Variants in ROBO1 observed in about 807,000 individuals in gnomAD.
ROBO1 encodes roundabout guidance receptor 1.
ROBO1 carries 149 observed loss-of-function variants against 195.9 expected under a neutral mutation model. The observed-to-expected ratio is 0.76, with a 90% CI of 0.67 to 0.87. ROBO1 has a LOEUF of 0.87. Ranked by LOEUF, ROBO1 falls within the 40% of genes least tolerant of loss-of-function variation. ROBO1 has a pLI of 0.00. For missense variants in ROBO1, 1,933 were observed against 2,068.3 expected (o/e 0.93, Z 1.27); for synonymous variants, 816 against 733.2 (o/e 1.11, Z -1.82).
At chr3:78,805,979 G>A (rs2084526575) in intron 4 of ROBO1, among the ~76,000 whole-genome samples, 1 of 151,576 alleles carries the variant, frequency 6.6e-6, no homozygotes, top group Non-Finnish European at 1.5e-5. Flanking sequence ...TTTTTTTTGA[G>A]ACAGAGTCTT....
rs570086028 is a variant in ROBO1 at position 79,482,608 on chromosome 3, T to C, written c.88+107216A>G. On this transcript the variant is annotated intron_variant, in intron 2 of 30. Transcript: ENST00000464233. ...TTACCCAGTCTCTGGTATGTCTTTG[T>C]TAGCAGCATAAAAACAACTAATACA... 2.9e-4 allele frequency among the ~76,000 whole-genome samples: 44 copies of C among 152,272 alleles called. 1 individual carries two copies. The highest frequency in any genetic ancestry group is 1.1e-3 in the African/African-American group (44 of 41,538).
chr3:78,772,895 C>T (rs1464357024), intron 4 of ROBO1, among the ~76,000 whole-genome samples: 1 of 151,958 alleles, frequency 6.6e-6, no homozygotes, highest in Admixed American at 6.6e-5. Flanking sequence ...ACCAGGATTC[C>T]ATCCTAGGTT....
chr3:79,448,248 T>C (rs375218547), intron 2 of ROBO1, among the ~76,000 whole-genome samples: 2 of 152,302 alleles, frequency 1.3e-5, no homozygotes, highest in East Asian at 1.9e-4. Context: ...TATCATGGTA[T>C]GCTCTAGTCA....
intron 3 of ROBO1, among the ~76,000 whole-genome samples, chr3:79,105,091 A>G (rs1040484808): frequency 1.3e-5 from 2 of 151,832 alleles, no homozygotes; most frequent in Non-Finnish European, 2.9e-5. Context: ...CTAGGAGACC[A>G]TCTTTGTGAG....
chr3:79,166,565 T>C (rs1576761377), intron 2 of ROBO1, among the ~76,000 whole-genome samples: 1 of 149,272 alleles, frequency 6.7e-6, no homozygotes, highest in Non-Finnish European at 1.5e-5. Context: ...TTTTTCTTTT[T>C]TTTTTTTTTT....
chr3:79,197,059 G>C (rs116647526), intron 2 of ROBO1, among the ~76,000 whole-genome samples: 1 of 150,964 alleles, frequency 6.6e-6, no homozygotes, highest in East Asian at 2.0e-4. Context: ...CTTGTTTTTC[G>C]TATTATTATA....
chr3:78,634,999 C>G (rs763976401), intron 23 of ROBO1, among the ~76,000 whole-genome samples: 96 of 152,022 alleles, frequency 6.3e-4, no homozygotes, highest in Non-Finnish European at 1.0e-3. Flanking sequence ...GATGCATTGC[C>G]CCCATCTATT....
intron 3 of ROBO1, among the ~76,000 whole-genome samples, chr3:78,946,882 G>C (rs1336525667): frequency 1.3e-5 from 2 of 152,116 alleles, no homozygotes; most frequent in Admixed American, 6.5e-5. Context: ...CCTAGTCTCT[G>C]ATAAAACAGA....
At chr3:78,958,901 T>C (rs1397399761) in intron 3 of ROBO1, among the ~76,000 whole-genome samples, 1 of 151,128 alleles carries the variant, frequency 6.6e-6, no homozygotes, top group African/African-American at 2.4e-5. Context: ...CTTGGCTCTC[T>C]GCAGCCTCAA....
intron 2 of ROBO1, among the ~76,000 whole-genome samples, chr3:79,412,319 T>C (rs1428249828): frequency 6.6e-6 from 1 of 152,138 alleles, no homozygotes; most frequent in East Asian, 1.9e-4. Context: ...CAGCTACTAG[T>C]TCCTAACCTG....
Position 78,723,110 on chromosome 3 carries a change from G to A in ROBO1, c.658-5227C>T, listed in dbSNP as rs149653076. On this transcript the variant is annotated intron_variant, in intron 5 of 30. Transcript: ENST00000464233. Reference sequence around the variant, plus strand: ...AAGGATGAACCTCATATATGATGACGATCCCATAAGATGATAATGGAGCTG... The same window carrying A: ...AAGGATGAACCTCATATATGATGACAATCCCATAAGATGATAATGGAGCTG... Among the ~76,000 whole-genome samples, 346 of 152,204 alleles carry A rather than the reference G, an allele frequency of 2.3e-3. 1 individual carries two copies. The highest frequency in any genetic ancestry group is 7.5e-3 in the African/African-American group (311 of 41,538).
chr3:79,101,073 A>T (rs2079666904), intron 3 of ROBO1, among the ~76,000 whole-genome samples: 1 of 151,802 alleles, frequency 6.6e-6, no homozygotes, highest in Non-Finnish European at 1.5e-5. Flanking sequence ...TATTATGCAG[A>T]TAGAGTAGCT....
chr3:78,858,128 G>A (rs2034565484), intron 4 of ROBO1, among the ~76,000 whole-genome samples: 1 of 152,082 alleles, frequency 6.6e-6, no homozygotes, highest in African/African-American at 2.4e-5. Flanking sequence ...GCGAGGAGTA[G>A]GGGGACAGGG....
chr3:79,560,022 A>T (rs2107705346), intron 2 of ROBO1, among the ~76,000 whole-genome samples: 1 of 152,252 alleles, frequency 6.6e-6, no homozygotes, highest in African/African-American at 2.4e-5. Flanking sequence ...CTTTATGTTA[A>T]AAAGAAGGAT....
intron 2 of ROBO1, among the ~76,000 whole-genome samples, chr3:79,408,434 GAAAC>G (rs999339773): frequency 2.0e-5 from 3 of 151,864 alleles, no homozygotes; most frequent in Admixed American, 1.3e-4. Flanking sequence ...GTTGGGGAAA[GAAAC>G]AATAACAAAA....
At chr3:79,319,335 A>T (rs530937804) in intron 2 of ROBO1, among the ~76,000 whole-genome samples, 41 of 152,210 alleles carry the variant, frequency 2.7e-4, no homozygotes, top group African/African-American at 9.2e-4. Flanking sequence ...TGTCTTAAAT[A>T]TTGTCTTAAA....
At chr3:78,798,240 T>C (rs371851466) in intron 4 of ROBO1, among the ~76,000 whole-genome samples, 14 of 152,188 alleles carry the variant, frequency 9.2e-5, no homozygotes, top group Non-Finnish European at 1.8e-4. Flanking sequence ...ATAAAATGGC[T>C]TTTCTTGAGG....
At chr3:79,503,081 A>G (rs1456426859) in intron 2 of ROBO1, among the ~76,000 whole-genome samples, 2 of 152,276 alleles carry the variant, frequency 1.3e-5, no homozygotes, top group East Asian at 3.9e-4. Flanking sequence ...TTTGTTCTTT[A>G]GCTCTTTGCA....
chr3:79,546,987 T>C (rs1026938727), intron 2 of ROBO1, among the ~76,000 whole-genome samples: 37 of 151,700 alleles, frequency 2.4e-4, no homozygotes, highest in African/African-American at 1.9e-4. Context: ...CAAGACCATC[T>C]TGGCTAACAG....
Sources: gnomAD v4.1 joint callset for allele counts (sites outside exome capture counted in the v4.1 genomes callset) on GRCh38, gnomAD v4.1.1 for gene constraint, MANE v1.5 for transcripts, NCBI Gene and HGNC (gene_info 2026-07-23, HGNC 2026-07-21) for gene names.